Variants in REV1 observed in about 807,000 individuals in gnomAD.
REV1 encodes translesion synthesis protein REV1.
REV1 carries 42 observed loss-of-function variants against 137.4 expected under a neutral mutation model. The ratio of observed to expected loss-of-function variants is 0.31; its 90% CI spans 0.24 to 0.40. The LOEUF is 0.40. REV1 is among the 10% of genes least tolerant of loss of function. REV1 has a pLI of 1.00. For synonymous variants in REV1, 524 were observed against 519.2 expected (o/e 1.01, Z -0.12); for missense variants, 1,282 against 1,490.1 (o/e 0.86, Z 2.30).
intron 17 of REV1, chr2:99,405,105 A>C (rs919072338): frequency 2.3e-5 from 4 of 177,188 alleles, no homozygotes; most frequent in African/African-American, 9.6e-5. Flanking sequence ...TTCAGATGAG[A>C]GACTGCCCAA....
rs189061312 is a variant in REV1 at position 99,478,738 on chromosome 2, C to G, written c.-11+11079G>C. 4.6e-5 allele frequency among the ~76,000 whole-genome samples: 7 copies of G among 152,286 alleles called. No homozygotes were observed. In the East Asian group the frequency reaches 1.4e-3, roughly 29 times the overall value. On this transcript the variant is annotated intron_variant, in intron 1 of 22. Coordinates refer to ENST00000258428, the MANE Select transcript of REV1 (RefSeq NM_016316.4). ...CGTGAGCATGCATCAGAATCACTAGCACAGGGCCTGTTAAAACACAAGATG... is the reference window on the plus strand; with the variant it reads ...CGTGAGCATGCATCAGAATCACTAGGACAGGGCCTGTTAAAACACAAGATG...
Position 99,402,152 on chromosome 2 carries a change from C to G in REV1, c.3644+92G>C, listed in dbSNP as rs1374669866. 3 of 619,986 alleles carry G rather than the reference C, an allele frequency of 4.8e-6. No individual in the cohort carries two copies. In the African/African-American group the frequency reaches 5.6e-5, roughly 12 times the overall value. 38.4% of individuals were successfully genotyped at this position (619,986 alleles called of 1,614,324 possible). A position where few individuals can be genotyped will look rare whatever the true frequency, so the allele number is the denominator to read the frequency against. On this transcript the variant is annotated intron_variant, in intron 22 of 22. Coordinates refer to ENST00000258428, the MANE Select transcript of REV1 (RefSeq NM_016316.4). ...ACTTTCTCATTAACCCTAATGAGTACAGTTTCCCAGAAAGTTTAAAACAAC... is the reference window on the plus strand; with the variant it reads ...ACTTTCTCATTAACCCTAATGAGTAGAGTTTCCCAGAAAGTTTAAAACAAC...
chr2:99,418,864 C>T lies in REV1; in HGVS notation c.1915G>A (p.Asp639Asn), dbSNP rs1678250982. 2.5e-6 allele frequency: 4 copies of T among 1,612,758 alleles called. No individual in the cohort carries two copies. Among genetic ancestry groups the T allele is most frequent in the African/African-American group, 1.3e-5 (1 of 74,866 alleles). ...QYHLKPEEVD[D>N]FIRGQLVTNL... is the part of the protein sequence containing the mutation. ...GTCACTAGCTGGCCTCTGATAAAAT[C>T]ATCTACTTCTTCTGGTTTTAGGTGG... Residue 639 changes from aspartate (D) to asparagine (N), a missense_variant, in exon 12 of 23, where the codon GAT becomes AAT. Around this residue, in one of 7 missense-constraint regions of REV1, gnomAD observed 372 missense variants for 482.3 expected, o/e 0.77. Transcript: ENST00000258428.
chr2:99,411,796 C>T (rs1399753546), intron 13 of REV1, among the ~76,000 whole-genome samples: 1 of 151,934 alleles, frequency 6.6e-6, no homozygotes, highest in Non-Finnish European at 1.5e-5. Flanking sequence ...ATGTGTGTTC[C>T]AACACTGTGC....
chr2:99,459,443 T>C (rs1260792191), intron 3 of REV1, among the ~76,000 whole-genome samples: 3 of 152,040 alleles, frequency 2.0e-5, no homozygotes, highest in African/African-American at 7.2e-5. Context: ...TGGTGGCCCA[T>C]ACATGTAATC....
intron 1 of REV1, among the ~76,000 whole-genome samples, chr2:99,488,612 C>G (rs1191097214): frequency 6.6e-6 from 1 of 152,176 alleles, no homozygotes; most frequent in Non-Finnish European, 1.5e-5. Flanking sequence ...TCTTAAGTGT[C>G]CAGTACAGGA....
At chr2:99,417,878 TGTC>T (rs1327996920) in intron 12 of REV1, among the ~76,000 whole-genome samples, 1 of 152,252 alleles carries the variant, frequency 6.6e-6, no homozygotes, top group Non-Finnish European at 1.5e-5. Flanking sequence ...TAAACTGTGT[TGTC>T]TACTACAGTA....
intron 9 of REV1, among the ~76,000 whole-genome samples, chr2:99,427,964 T>C (rs965578433): frequency 1.3e-5 from 2 of 152,124 alleles, no homozygotes; most frequent in Non-Finnish European, 2.9e-5. Context: ...TAAATATAAA[T>C]GCACCATCCA....
intron 8 of REV1, among the ~76,000 whole-genome samples, chr2:99,432,995 CAG>C (rs1455724984): frequency 1.3e-5 from 2 of 152,146 alleles, no homozygotes; most frequent in African/African-American, 4.8e-5. Context: ...GACTACCTAC[CAG>C]AGAGACTCTG....
At chr2:99,436,785 A>C (rs1680808911) in intron 6 of REV1, 1 of 152,168 alleles carries the variant, frequency 6.6e-6, no homozygotes, top group East Asian at 1.9e-4. Context: ...TCTAAGATAC[A>C]CAAATCCTGG....
chr2:99,479,044 G>A (rs1023971331), intron 1 of REV1, among the ~76,000 whole-genome samples: 1 of 152,058 alleles, frequency 6.6e-6, no homozygotes, highest in African/African-American at 2.4e-5. Context: ...GATTGCAGGC[G>A]ACAGGCTGGG....
At chr2:99,402,200 G>A (rs1183252262) in intron 22 of REV1, 44 bp downstream of exon 22, 3 of 812,402 alleles carry the variant, frequency 3.7e-6, no homozygotes, top group South Asian at 3.2e-5. Context: ...CAGCCATTGT[G>A]ACATGCCATT....
At chr2:99,438,366 A>C (rs1681036507) in intron 6 of REV1, among the ~76,000 whole-genome samples, 1 of 152,212 alleles carries the variant, frequency 6.6e-6, no homozygotes, top group African/African-American at 2.4e-5. Flanking sequence ...AATCCCAACC[A>C]TCTTACTGTT....
intron 9 of REV1, 110 bp from the exon 10 acceptor site, chr2:99,424,390 A>T: frequency 1.7e-6 from 2 of 1,155,034 alleles, no homozygotes; most frequent in Middle Eastern, 2.0e-4. Context: ...TTTCCACTTA[A>T]CTCCATTCTC....
At chr2:99,485,955 T>A (rs953710121) in intron 1 of REV1, among the ~76,000 whole-genome samples, 1 of 152,042 alleles carries the variant, frequency 6.6e-6, no homozygotes, top group African/African-American at 2.4e-5. Context: ...TAGGACCCCA[T>A]CTTTACAAAA....
At chr2:99,403,291 GCTTTGCCA>G (rs1675762989) in intron 19 of REV1, 185 bp from the exon 20 acceptor site, 1 of 601,650 alleles carries the variant, frequency 1.7e-6, no homozygotes, top group East Asian at 2.8e-5. Flanking sequence ...TTCTCTCTTT[GCTTTGCCA>G]CTTACTAATT....
chr2:99,427,167 G>A (rs186253128), intron 9 of REV1, among the ~76,000 whole-genome samples: 1 of 152,270 alleles, frequency 6.6e-6, no homozygotes, highest in Non-Finnish European at 1.5e-5. Flanking sequence ...GGGCAAAAGA[G>A]CAAGACTTCA....
At chr2:99,485,334 CATT>C (rs1213565061) in intron 1 of REV1, among the ~76,000 whole-genome samples, 1 of 152,172 alleles carries the variant, frequency 6.6e-6, no homozygotes, top group Non-Finnish European at 1.5e-5. Context: ...AAAAATAAAT[CATT>C]ATGAAAAGAA....
chr2:99,473,055 C>G (rs1296395277), intron 1 of REV1, among the ~76,000 whole-genome samples: 1 of 152,094 alleles, frequency 6.6e-6, no homozygotes, highest in Admixed American at 6.6e-5. Context: ...TGAAGGGACT[C>G]TCACCAAGGT....
Sources: allele counts gnomAD v4.1 joint callset (sites outside exome capture counted in the v4.1 genomes callset), GRCh38; gene constraint gnomAD v4.1.1; regional missense constraint gnomAD v4.1.1; transcripts MANE v1.5; gene names NCBI Gene and HGNC (gene_info 2026-07-23, HGNC 2026-07-21).